The following MCTP2 variants were observed in gnomAD, a reference collection of about 807,000 sequenced individuals.
The protein encoded by MCTP2 is multiple C2 and transmembrane domain-containing protein 2.
MCTP2 carries 132 observed loss-of-function variants against 111.6 expected under a neutral mutation model. The ratio of observed to expected loss-of-function variants is 1.18; its 90% CI spans 1.03 to 1.37. The LOEUF (loss-of-function observed/expected upper bound fraction) is 1.37. Among genes scored for constraint, MCTP2 ranks in the 40% most tolerant of loss-of-function variants. MCTP2 has a pLI of 0.00. For synonymous variants in MCTP2, 395 were observed against 387.7 expected, an observed-to-expected ratio of 1.02 and a Z score of -0.22; for missense variants, 1,183 against 1,067.9, an observed-to-expected ratio of 1.11 and a Z score of -1.50.
At chr15:94,344,906 A>ATTTTC (rs1221540481) in intron 7 of MCTP2, among the ~76,000 whole-genome samples, 132 of 152,316 alleles carry the variant, frequency 8.7e-4, no homozygotes, top group African/African-American at 3.0e-3. Context: ...TTTCATACTG[A>ATTTTC]ATACTTAGAG....
chr15:94,437,350 A>G (rs1270857722), intron 17 of MCTP2, among the ~76,000 whole-genome samples: 1 of 152,018 alleles, frequency 6.6e-6, no homozygotes, highest in Non-Finnish European at 1.5e-5. Flanking sequence ...AAGAATGTGA[A>G]TATATAAAAA....
rs550735629 is a variant in MCTP2, at chr15:94,255,478, A to T, written c.-66+23814A>T. 7.2e-5 allele frequency among the ~76,000 whole-genome samples: 8 copies of T among 111,482 alleles called. No homozygotes were observed. The South Asian group carries it at 2.3e-3, about 33-fold the overall frequency. The allele number at this position is 111,482 out of a possible 152,430, so 73.1% of individuals were successfully genotyped here. Reference sequence around the variant, plus strand: ...TTAGCAGTTTGACTTTCGTCATAGCACTTATGACTGACATAAGTATTTTAA... The same window carrying T: ...TTAGCAGTTTGACTTTCGTCATAGCTCTTATGACTGACATAAGTATTTTAA... On this transcript the variant is annotated intron_variant, in intron 1 of 22. Transcript: ENST00000357742.
chr15:94,314,435 CTA>C, intron 3 of MCTP2, 91 bp downstream of exon 3: 1 of 787,112 alleles, frequency 1.3e-6, no homozygotes, highest in Non-Finnish European at 1.9e-6. Context: ...TCTTTTATTG[CTA>C]AAAAAAAAAA....
At position 94,243,837 on chromosome 15, in the gene MCTP2, TTATG is replaced by T. The variant is rs541718704; in HGVS notation, c.-66+12176_-66+12179del. ...TATATGTATACACATATGTATATATTTATGTACACATATATGTATACACATACAT... is the reference window on the plus strand; with the variant it reads ...TATATGTATACACATATGTATATATTTACACATATATGTATACACATACAT... On this transcript the variant is annotated intron_variant, in intron 1 of 22. Coordinates refer to ENST00000357742, the MANE Select transcript of MCTP2 (RefSeq NM_001385001.1). Among the ~76,000 whole-genome samples, 24 of 147,618 alleles carry T rather than the reference TTATG, an allele frequency of 1.6e-4. No homozygotes were observed. In the South Asian group the frequency reaches 4.5e-3, roughly 27 times the overall value.
rs767136436 is a variant in MCTP2, at chr15:94,358,578, A to G, written c.1267A>G (p.Lys423Glu). ...CATTTTGGACATTGAAGTGTGGGGA[A>G]AGGACAACAAAAAGCATGAGGAACG... is the stretch of plus-strand genomic sequence containing the variant. ...MGILDIEVWG[K>E]DNKKHEERLG... Residue 423 changes from lysine (K) to glutamate (E), a missense_variant, in exon 10 of 23, where the codon AAG becomes GAG. By Grantham distance (56) the Lys-to-Glu change is moderately conservative. Coordinates refer to ENST00000357742, the MANE Select transcript of MCTP2 (RefSeq NM_001385001.1). 7 of 1,613,832 alleles carry G rather than the reference A, an allele frequency of 4.3e-6. No individual in the cohort carries two copies. The South Asian group carries it at 6.6e-5, about 15-fold the overall frequency.
intron 8 of MCTP2, among the ~76,000 whole-genome samples, chr15:94,353,856 G>A (rs567736673): frequency 2.6e-5 from 4 of 152,078 alleles, no homozygotes; most frequent in East Asian, 1.9e-4. Context: ...TCAGTATATC[G>A]ATATCTATAT....
intron 8 of MCTP2, among the ~76,000 whole-genome samples, chr15:94,350,447 G>T (rs2078243223): frequency 6.6e-6 from 1 of 152,220 alleles, no homozygotes; most frequent in African/African-American, 2.4e-5. Context: ...AAATACTCCT[G>T]TAGTCCAAGC....
In MCTP2 at chr15:94,481,807, T is replaced by A. The variant is rs2074740885; in HGVS notation, c.*2773T>A. The A allele has an allele frequency of 1.3e-5, 2 of 152,272 alleles. No homozygotes were observed. Among genetic ancestry groups the A allele is most frequent in the Non-Finnish European group, 2.9e-5 (2 of 68,056 alleles). 9.4% of individuals were successfully genotyped at this position (152,272 alleles called of 1,614,324 possible). A position where few individuals can be genotyped will look rare whatever the true frequency, so the allele number is the denominator to read the frequency against. ...TAGTTACTCAGGAAATAAATACATG[T>A]TTAACAGGCCAGGTCGTAGAGATTA... On this transcript the variant is annotated 3_prime_UTR_variant, in exon 23 of 23. Transcript: ENST00000357742.
chr15:94,340,923 A>C lies in MCTP2; in HGVS notation c.968A>C (p.His323Pro). 1 of 1,572,742 alleles carries C rather than the reference A, an allele frequency of 6.4e-7. No homozygotes were observed. Among genetic ancestry groups the C allele is most frequent in the Non-Finnish European group, 8.8e-7 (1 of 1,142,578 alleles). ...GTAAAACAGGGTGATTTCAAGAGAC[A>C]CGTAAGTGGGACCTTCTATTCTTTT... is the stretch of plus-strand genomic sequence containing the variant. ...LVVKQGDFKR[H>P]RWSNRKRLSA... The change falls in exon 7 of 23, where the codon CAC becomes CCC. Residue 323 changes from histidine (H) to proline (P), a missense_variant and splice_region_variant. Coordinates refer to ENST00000357742, the MANE Select transcript of MCTP2 (RefSeq NM_001385001.1).
At chr15:94,398,715 C>T (rs1450370218) in intron 14 of MCTP2, among the ~76,000 whole-genome samples, 1 of 152,138 alleles carries the variant, frequency 6.6e-6, no homozygotes, top group Non-Finnish European at 1.5e-5. Context: ...ATGATTTGCA[C>T]CAATATTTTT....
At chr15:94,407,449 TCAA>T (rs2081955734) in intron 17 of MCTP2, among the ~76,000 whole-genome samples, 1 of 152,218 alleles carries the variant, frequency 6.6e-6, no homozygotes, top group Non-Finnish European at 1.5e-5. Flanking sequence ...CTACCATATA[TCAA>T]CGAGTATCTT....
At chr15:94,457,942 A>G (rs2084937840) in intron 19 of MCTP2, among the ~76,000 whole-genome samples, 195 bp from the exon 20 acceptor site, 1 of 152,100 alleles carries the variant, frequency 6.6e-6, no homozygotes, top group African/African-American at 2.4e-5. Flanking sequence ...CTTGCGCGTT[A>G]GGAGTGGTAG....
At chr15:94,453,176 T>C (rs576985522) in intron 19 of MCTP2, among the ~76,000 whole-genome samples, 1 of 152,348 alleles carries the variant, frequency 6.6e-6, no homozygotes, top group African/African-American at 2.4e-5. Context: ...CAATTTAAGC[T>C]TTCAGCTGTT....
chr15:94,243,991 GTA>G (rs1302869104), intron 1 of MCTP2, among the ~76,000 whole-genome samples: 8 of 144,410 alleles, frequency 5.5e-5, no homozygotes, highest in African/African-American at 2.0e-4. Flanking sequence ...ATACATATGT[GTA>G]TATATTTATG....
At chr15:94,394,879 A>G (rs566359765) in intron 14 of MCTP2, among the ~76,000 whole-genome samples, 2 of 152,256 alleles carry the variant, frequency 1.3e-5, no homozygotes, top group Admixed American at 1.3e-4. Flanking sequence ...AGCAGCTTAT[A>G]TTTTAGGGAT....
In MCTP2 at chr15:94,465,604, T is replaced by C. The variant is rs188586493; in HGVS notation, c.2361-4729T>C. The stretch of plus-strand genomic sequence containing the variant: ...ACCTTTCTTTTCTCCTTTTCTGTAC[T>C]TTTCTTTCAACCTGTCTTTTTGTTT... On this transcript the variant is annotated intron_variant, in intron 20 of 22. Coordinates refer to ENST00000357742, the MANE Select transcript of MCTP2 (RefSeq NM_001385001.1). Among the ~76,000 whole-genome samples, 208 of 152,274 alleles carry C rather than the reference T, an allele frequency of 1.4e-3. 1 individual carries two copies. The highest frequency in any genetic ancestry group is 4.7e-3 in the African/African-American group (194 of 41,568).
At chr15:94,286,638 T>A (rs530095856) in intron 1 of MCTP2, among the ~76,000 whole-genome samples, 2 of 152,232 alleles carry the variant, frequency 1.3e-5, no homozygotes, top group African/African-American at 4.8e-5. Flanking sequence ...CTTTCCTACC[T>A]TGCGGTTCTT....
rs527872734 is a variant in MCTP2, at chr15:94,345,113, G to A, written c.970-16G>A. ...TATTTTGCCATTTTCACCATTCCGC[G>A]GACACAAATCTTTAGCGTTGGTCAA... On this transcript the variant is annotated splice_polypyrimidine_tract_variant and intron_variant, in intron 7 of 22. Coordinates refer to ENST00000357742, the MANE Select transcript of MCTP2 (RefSeq NM_001385001.1). 1.3e-4 allele frequency: 207 copies of A among 1,611,888 alleles called. 1 individual carries two copies. The East Asian group carries it at 2.6e-3, about 21-fold the overall frequency.
chr15:94,270,733 C>T (rs72767417), intron 1 of MCTP2, among the ~76,000 whole-genome samples: 4,030 of 152,302 alleles, frequency 0.026, 80 homozygotes, highest in Non-Finnish European at 0.043. Flanking sequence ...CTTCCACATT[C>T]TGCTTACCTC....
Sources: allele counts gnomAD v4.1 joint callset (sites outside exome capture counted in the v4.1 genomes callset), GRCh38; gene constraint gnomAD v4.1.1; transcripts MANE v1.5; gene names NCBI Gene and HGNC (gene_info 2026-07-23, HGNC 2026-07-21).